CCDC102B: variants seen among roughly 807,000 people sequenced by gnomAD.
The protein encoded by CCDC102B is coiled-coil domain containing 102B.
Under a neutral mutation model 57.4 loss-of-function variants are expected in CCDC102B, and 75 were observed. The observed-to-expected ratio is 1.31, with a 90% confidence interval of 1.08 to 1.58. The LOEUF (loss-of-function observed/expected upper bound fraction) is 1.58, where lower values mean the gene tolerates loss of function less well. Ranked by LOEUF, CCDC102B falls within the 40% of genes most tolerant of loss-of-function variation. CCDC102B has a pLI of 0.00. For synonymous variants in CCDC102B, 206 were observed against 201.9 expected (o/e 1.02, Z -0.17); for missense variants, 636 against 582.6 (o/e 1.09, Z -0.94).
chr18:68,887,559 G>A (rs1037498593), intron 5 of CCDC102B, among the ~76,000 whole-genome samples: 5 of 152,148 alleles, frequency 3.3e-5, no homozygotes, highest in South Asian at 2.1e-4. Flanking sequence ...ACAAATGTCC[G>A]TGTTGGACTT....
At chr18:68,761,189 C>G (rs948842970) in intron 2 of CCDC102B, among the ~76,000 whole-genome samples, 11 of 152,046 alleles carry the variant, frequency 7.2e-5, no homozygotes, top group African/African-American at 2.7e-4. Context: ...CAATTTCCCT[C>G]TCAAACAAAT....
intron 2 of CCDC102B, among the ~76,000 whole-genome samples, chr18:68,764,209 C>T (rs2034350842): frequency 6.6e-6 from 1 of 152,088 alleles, no homozygotes. Context: ...CTTCCGTATA[C>T]TTTTTTCCAA....
intron 1 of CCDC102B, among the ~76,000 whole-genome samples, chr18:68,804,915 G>A (rs1435060071): frequency 6.7e-6 from 1 of 150,208 alleles, no homozygotes. Flanking sequence ...ATTTGCTAAT[G>A]GGAATAATCT....
At chr18:68,738,890 C>T (rs1251774024) in intron 2 of CCDC102B, among the ~76,000 whole-genome samples, 5 of 152,158 alleles carry the variant, frequency 3.3e-5, no homozygotes, top group Non-Finnish European at 7.3e-5. Context: ...ACATTCAGCA[C>T]TCCCCATGAT....
chr18:68,802,358 A>G (rs1385186789), intron 1 of CCDC102B, among the ~76,000 whole-genome samples: 1 of 152,208 alleles, frequency 6.6e-6, no homozygotes, highest in African/African-American at 2.4e-5. Flanking sequence ...AGAATTTATG[A>G]TTGCATGGAT....
At chr18:68,730,893 G>T (rs1212702060) in intron 2 of CCDC102B, among the ~76,000 whole-genome samples, 1 of 152,154 alleles carries the variant, frequency 6.6e-6, no homozygotes, top group Non-Finnish European at 1.5e-5. Context: ...GATTTCAGCA[G>T]AAATATTCTG....
At chr18:68,953,355 C>CTTTTTT (rs5825890) in intron 6 of CCDC102B, among the ~76,000 whole-genome samples, 10 of 125,498 alleles carry the variant, frequency 8.0e-5, no homozygotes, top group Non-Finnish European at 1.3e-4. Context: ...CAATACTTGT[C>CTTTTTT]TTTTTTTTTT....
chr18:68,941,753 G>T (rs1398321971), intron 6 of CCDC102B, among the ~76,000 whole-genome samples: 1 of 152,002 alleles, frequency 6.6e-6, no homozygotes, highest in African/African-American at 2.4e-5. Context: ...ATATCATAAG[G>T]CAAGATGAAA....
intron 7 of CCDC102B, among the ~76,000 whole-genome samples, chr18:69,046,908 G>A (rs2052582450): frequency 6.6e-6 from 1 of 151,988 alleles, no homozygotes; most frequent in Non-Finnish European, 1.5e-5. Flanking sequence ...ATAGTTATAT[G>A]CATGTGTCAT....
chr18:69,026,208 G>C (rs1302156113), intron 7 of CCDC102B, among the ~76,000 whole-genome samples: 2 of 152,188 alleles, frequency 1.3e-5, no homozygotes, highest in Non-Finnish European at 2.9e-5. Flanking sequence ...GCTCACGCCT[G>C]TAATCCCAGC....
At chr18:69,043,692 A>T (rs1434067999) in intron 7 of CCDC102B, among the ~76,000 whole-genome samples, 1 of 152,124 alleles carries the variant, frequency 6.6e-6, no homozygotes, top group East Asian at 1.9e-4. Flanking sequence ...GGTTGGGGGT[A>T]AGGTCATAGA....
chr18:68,834,662 T>C (rs1346114697), intron 1 of CCDC102B, among the ~76,000 whole-genome samples: 1 of 151,604 alleles, frequency 6.6e-6, no homozygotes, highest in Non-Finnish European at 1.5e-5. Context: ...ATTACAAGTG[T>C]TACAATGAAG....
intron 7 of CCDC102B, among the ~76,000 whole-genome samples, chr18:69,030,989 T>G (rs116573898): frequency 0.018 from 2,689 of 152,276 alleles, 85 homozygotes; most frequent in African/African-American, 0.06. Flanking sequence ...CTGTTTCAAT[T>G]TAATTCCATG....
upstream of CCDC102B, among the ~76,000 whole-genome samples, chr18:68,793,893 TGAGA>T (rs1460295897): frequency 9.9e-5 from 15 of 152,168 alleles, no homozygotes; most frequent in African/African-American, 3.1e-4. Context: ...ACAGATATGG[TGAGA>T]GATAGATGTA....
In CCDC102B at chr18:68,803,666, C is replaced by T. The variant is rs1436202245; in HGVS notation, c.-16+5485C>T. 4.6e-5 allele frequency among the ~76,000 whole-genome samples: 7 copies of T among 152,176 alleles called. No individual in the cohort carries two copies. In the South Asian group the frequency reaches 1.5e-3, roughly 32 times the overall value. On this transcript the variant is annotated intron_variant, in intron 1 of 7. Transcript: ENST00000360242. ...GAAGCTACTTTAAGAGGAAGTAAAT[C>T]CAGCTTAAGCTTCAAGATATTAGGG... is the stretch of plus-strand genomic sequence containing the variant.
intron 6 of CCDC102B, among the ~76,000 whole-genome samples, chr18:68,898,857 C>A (rs1017648011): frequency 1.3e-5 from 2 of 151,956 alleles, no homozygotes; most frequent in African/African-American, 2.4e-5. Flanking sequence ...ATTTTGGCAC[C>A]TTTCTAGTTG....
intron 1 of CCDC102B, among the ~76,000 whole-genome samples, chr18:68,799,472 T>C (rs1429898167): frequency 1.3e-5 from 2 of 152,154 alleles, no homozygotes. Flanking sequence ...GAATGTTTCA[T>C]CTAATTATTA....
chr18:69,018,225 C>T (rs906940395), intron 7 of CCDC102B, among the ~76,000 whole-genome samples: 9 of 152,172 alleles, frequency 5.9e-5, no homozygotes, highest in Non-Finnish European at 1.3e-4. Flanking sequence ...CACACACATG[C>T]GTATATACAC....
chr18:68,754,232 T>C (rs1203448364), intron 2 of CCDC102B: 1 of 152,176 alleles, frequency 6.6e-6, no homozygotes, highest in East Asian at 1.9e-4. Context: ...TCCCTCTCTG[T>C]CTTTTAAAAT....
Sources: gnomAD v4.1 joint callset for allele counts (sites outside exome capture counted in the v4.1 genomes callset) on GRCh38, gnomAD v4.1.1 for gene constraint, MANE v1.5 for transcripts, NCBI Gene and HGNC (gene_info 2026-07-23, HGNC 2026-07-21) for gene names.